Variants in KANK1 observed in about 807,000 individuals in gnomAD.
KANK1 encodes the protein KN motif and ankyrin repeat domains 1.
KANK1 carries 109 observed loss-of-function variants against 106.2 expected under a neutral mutation model. That is an observed-to-expected ratio of 1.03 (90% CI 0.88 to 1.20). The LOEUF (loss-of-function observed/expected upper bound fraction) is 1.20, where lower values mean the gene tolerates loss of function less well. Ranked by LOEUF, KANK1 falls within the 50% of genes most tolerant of loss-of-function variation. KANK1 has a pLI of 0.00. For missense variants in KANK1, 2,399 were observed against 1,710.7 expected (o/e 1.40, Z -7.10); for synonymous variants, 873 against 652.2 (o/e 1.34, Z -5.16).
At chr9:662,055 A>C (rs1843447211) in intron 1 of KANK1, among the ~76,000 whole-genome samples, 1 of 152,168 alleles carries the variant, frequency 6.6e-6, no homozygotes, top group South Asian at 2.1e-4. Context: ...AAGCCAAATG[A>C]TGAGTGAACT....
chr9:532,766 T>A (rs1410577439), intron 1 of KANK1, among the ~76,000 whole-genome samples: 4 of 152,162 alleles, frequency 2.6e-5, no homozygotes, highest in Non-Finnish European at 5.9e-5. Context: ...CTGCTTCAGT[T>A]TATTATGTAG....
chr9:513,833 A>G (rs1272698768), intron 1 of KANK1, among the ~76,000 whole-genome samples: 1 of 152,128 alleles, frequency 6.6e-6, no homozygotes, highest in Non-Finnish European at 1.5e-5. Flanking sequence ...CATAGCCAAC[A>G]TGGCAAAACC....
chr9:471,210 A>G lies in KANK1; in HGVS notation c.-442+528A>G, dbSNP rs191903201. ...ACTGCACCTCACCCCTTGCTTTTTC[A>G]GAGCTGGCGAAGCTGGGCCAAGGAA... On this transcript the variant is annotated intron_variant, in intron 2 of 15. Coordinates refer to the KANK1 transcript ENST00000382303. 2.0e-3 allele frequency among the ~76,000 whole-genome samples: 300 copies of G among 152,312 alleles called. 1 individual carries two copies. Among genetic ancestry groups the G allele is most frequent in the Non-Finnish European group, 3.6e-3 (247 of 68,028 alleles).
chr9:573,973 G>C (rs915700442), intron 1 of KANK1, among the ~76,000 whole-genome samples: 8 of 152,230 alleles, frequency 5.3e-5, no homozygotes, highest in Admixed American at 3.3e-4. Context: ...GCTTGGAGGA[G>C]CCAACCAGGA....
At chr9:676,319 G>A (rs1368094882) in intron 1 of KANK1, among the ~76,000 whole-genome samples, 1 of 152,146 alleles carries the variant, frequency 6.6e-6, no homozygotes, top group African/African-American at 2.4e-5. Flanking sequence ...GGCACAGTGG[G>A]AGATAATGAA....
chr9:644,310 C>T (rs1006306880), intron 1 of KANK1, among the ~76,000 whole-genome samples: 1 of 150,906 alleles, frequency 6.6e-6, no homozygotes, highest in African/African-American at 2.5e-5. Context: ...AAGATGGTGA[C>T]TACCTATGAT....
intron 1 of KANK1, among the ~76,000 whole-genome samples, chr9:658,792 G>C (rs1334663768): frequency 2.0e-5 from 3 of 152,100 alleles, no homozygotes; most frequent in Non-Finnish European, 2.9e-5. Context: ...AAATCGCATA[G>C]GCACATCTGT....
chr9:659,965 C>G (rs1455668716), intron 1 of KANK1: 3 of 183,130 alleles, frequency 1.6e-5, no homozygotes, highest in African/African-American at 7.1e-5. Context: ...GCAGCCATTT[C>G]CACTGAGGAA....
At chr9:674,382 GT>G (rs61067104) in intron 1 of KANK1, 5,603 of 80,630 alleles carry the variant, frequency 0.069, 312 homozygotes, top group African/African-American at 0.27. Flanking sequence ...GAAGCAATCT[GT>G]TTAAAAAAAA....
intron 1 of KANK1, among the ~76,000 whole-genome samples, chr9:512,249 G>GTGTGTATA (rs370159663): frequency 1.0e-4 from 15 of 149,504 alleles, no homozygotes; most frequent in African/African-American, 2.8e-4. Context: ...GTGTGTGTGT[G>GTGTGTATA]TATGTATATA....
At chr9:634,571 C>G (rs1280286963) in intron 1 of KANK1, among the ~76,000 whole-genome samples, 1 of 152,154 alleles carries the variant, frequency 6.6e-6, no homozygotes, top group Non-Finnish European at 1.5e-5. Flanking sequence ...AGGCCCCTCC[C>G]ATTATTCTAG....
chr9:678,010 A>C (rs16922480), intron 2 of KANK1, among the ~76,000 whole-genome samples: 1 of 152,186 alleles, frequency 6.6e-6, no homozygotes, highest in Non-Finnish European at 1.5e-5. Context: ...TTTTGAAGAC[A>C]ACAGCAGGAA....
At chr9:621,286 C>A (rs192408816) in intron 1 of KANK1, among the ~76,000 whole-genome samples, 5 of 152,194 alleles carry the variant, frequency 3.3e-5, no homozygotes, top group African/African-American at 1.2e-4. Context: ...ATTAGCTCTG[C>A]CAAAATTACA....
At chr9:608,031 A>ATTTTTTTTTT (rs1175822024) in intron 1 of KANK1, among the ~76,000 whole-genome samples, 46 of 88,094 alleles carry the variant, frequency 5.2e-4, no homozygotes, top group Admixed American at 1.0e-3. Flanking sequence ...TATTATTATT[A>ATTTTTTTTTT]TTATTTTTTT....
intron 1 of KANK1, among the ~76,000 whole-genome samples, chr9:524,982 C>T (rs1418535614): frequency 4.3e-5 from 4 of 91,958 alleles, no homozygotes; most frequent in East Asian, 7.3e-4. Flanking sequence ...CTCTTGCTGC[C>T]TTTTTTTTTT....
chr9:652,586 G>A (rs922929620), intron 1 of KANK1, among the ~76,000 whole-genome samples: 1 of 152,120 alleles, frequency 6.6e-6, no homozygotes, highest in South Asian at 2.1e-4. Flanking sequence ...ATAAAGGAAG[G>A]TCAAATGAGA....
At chr9:699,839 G>C (rs1041384572) in intron 2 of KANK1, among the ~76,000 whole-genome samples, 1 of 152,126 alleles carries the variant, frequency 6.6e-6, no homozygotes, top group Non-Finnish European at 1.5e-5. Context: ...AAAATTAGCC[G>C]GGTTTGGTCA....
intron 3 of KANK1, among the ~76,000 whole-genome samples, chr9:497,810 G>T (rs2058480735): frequency 6.6e-6 from 1 of 151,560 alleles, no homozygotes; most frequent in South Asian, 2.1e-4. Context: ...CCGTGATTGT[G>T]CCACTGCACT....
In KANK1 at chr9:645,927, C is replaced by A. The variant is rs1839574898; in HGVS notation, c.-83-30963C>A. ...TTAGGAAATTATCTCATGATTTAGCCACAAAATTAAAAGATTTATTTCAAC... is the reference window on the plus strand; with the variant it reads ...TTAGGAAATTATCTCATGATTTAGCAACAAAATTAAAAGATTTATTTCAAC... On this transcript the variant is annotated intron_variant, in intron 1 of 11. Transcript: ENST00000382297. Among the ~76,000 whole-genome samples, 5 of 150,962 alleles carry A rather than the reference C, an allele frequency of 3.3e-5. No individual in the cohort carries two copies. In the South Asian group the frequency reaches 1.0e-3, roughly 31 times the overall value.
Sources: allele counts gnomAD v4.1 joint callset (sites outside exome capture counted in the v4.1 genomes callset), GRCh38; gene constraint gnomAD v4.1.1; transcripts MANE v1.5; gene names NCBI Gene and HGNC (gene_info 2026-07-23, HGNC 2026-07-21).